The following ZNF730 variants were observed in gnomAD, a reference collection of about 807,000 sequenced individuals.
The protein encoded by ZNF730 is zinc finger protein 730, also known as putative zinc finger protein 730.
ZNF730 carries 12 observed loss-of-function variants against 12.6 expected under a neutral mutation model. That is an observed-to-expected ratio of 0.95 (90% CI 0.61 to 1.54). ZNF730 has a LOEUF of 1.54. ZNF730 is among the 40% of genes most tolerant of loss of function. The pLI is 0.00. For synonymous variants in ZNF730, 194 were observed against 195.8 expected, an observed-to-expected ratio of 0.99 and a Z score of 0.08; for missense variants, 643 against 583.5, an observed-to-expected ratio of 1.10 and a Z score of -1.05.
At chr19:23,127,442 G>C in intron 1 of ZNF730, 4 of 1,088,106 alleles carry the variant, frequency 3.7e-6, no homozygotes, top group Non-Finnish European at 5.5e-6. Context: ...TTCTTCCTTT[G>C]TCATTGACCC....
chr19:23,090,346 G>A lies in ZNF730; in HGVS notation c.-94+14959G>A, dbSNP rs573741321. Among the ~76,000 whole-genome samples, 14 of 152,244 alleles carry A rather than the reference G, an allele frequency of 9.2e-5. No homozygotes were observed. The East Asian group carries it at 2.7e-3, about 29-fold the overall frequency. Reference sequence around the variant, plus strand: ...CTTATGTTTTAGCAAAGTGACTGGTGGCATTTTGCCCTGCCCTAGAGATTT... The same window carrying A: ...CTTATGTTTTAGCAAAGTGACTGGTAGCATTTTGCCCTGCCCTAGAGATTT... On this transcript the variant is annotated intron_variant, in intron 1 of 2. Coordinates refer to the ZNF730 transcript ENST00000593635.
chr19:23,085,134 T>A (rs933698528), intron 1 of ZNF730, among the ~76,000 whole-genome samples: 1 of 152,186 alleles, frequency 6.6e-6, no homozygotes. Flanking sequence ...GTTATTATTT[T>A]GCTTTTTTAA....
rs1386142858 is a variant in ZNF730, at chr19:23,145,890, A to G, written c.846A>G (p.Lys282=). ...TTHKRIHTGE[K]PYKCEECGKA... ...ATAAAAGAATTCATACTGGAGAGAA[A>G]CCCTATAAATGTGAAGAATGTGGCA... Residue 282 remains lysine, a synonymous_variant, in exon 4 of 4, where the codon AAA becomes AAG. Coordinates refer to ENST00000597761, the MANE Select transcript of ZNF730 (RefSeq NM_001277403.2). The G allele has an allele frequency of 6.2e-7, 1 of 1,610,580 alleles. No homozygotes were observed. The highest frequency in any genetic ancestry group is 2.2e-5 in the East Asian group (1 of 44,838).
intron 3 of ZNF730, among the ~76,000 whole-genome samples, chr19:23,140,987 T>C (rs1220976167): frequency 2.0e-5 from 3 of 151,972 alleles, no homozygotes; most frequent in Admixed American, 6.6e-5. Flanking sequence ...TGGCCAGTCA[T>C]GGTGGTGTTT....
chr19:23,141,094 C>G (rs1970910475), intron 3 of ZNF730, among the ~76,000 whole-genome samples: 1 of 151,928 alleles, frequency 6.6e-6, no homozygotes, highest in South Asian at 2.1e-4. Flanking sequence ...GAGACCCCAT[C>G]TTTCCAAAAA....
chr19:23,109,949 C>A (rs528939249), intron 1 of ZNF730, among the ~76,000 whole-genome samples: 11 of 149,702 alleles, frequency 7.3e-5, no homozygotes, highest in African/African-American at 2.4e-4. Flanking sequence ...TAATCGATTT[C>A]TTTTATTTGT....
upstream of ZNF730, among the ~76,000 whole-genome samples, chr19:23,112,175 C>G (rs753593643): frequency 6.6e-6 from 1 of 152,008 alleles, no homozygotes; most frequent in Non-Finnish European, 1.5e-5. Flanking sequence ...AATTGTAAAC[C>G]CATAGGAGAT....
At chr19:23,112,355 A>C (rs1332549671), upstream of ZNF730, among the ~76,000 whole-genome samples, 2 of 152,178 alleles carry the variant, frequency 1.3e-5, no homozygotes. Flanking sequence ...TTTTGTGTGC[A>C]CTCATTGGGT....
intron 1 of ZNF730, among the ~76,000 whole-genome samples, chr19:23,082,160 G>A (rs1027594800): frequency 3.3e-5 from 5 of 152,108 alleles, no homozygotes; most frequent in African/African-American, 1.2e-4. Flanking sequence ...TATTTGTTAA[G>A]TAACCTCTTC....
intron 1 of ZNF730, among the ~76,000 whole-genome samples, chr19:23,121,898 T>C (rs926190715): frequency 3.9e-5 from 6 of 152,152 alleles, no homozygotes; most frequent in African/African-American, 1.4e-4. Flanking sequence ...ATTTTGTTCA[T>C]CTCTCTTTTT....
chr19:23,116,716 C>G (rs1036775642), upstream of ZNF730, among the ~76,000 whole-genome samples: 1 of 152,024 alleles, frequency 6.6e-6, no homozygotes, highest in African/African-American at 2.4e-5. Context: ...CCACCGCGCC[C>G]GGTCTATGTT....
At chr19:23,123,987 A>G (rs1970631331) in intron 1 of ZNF730, 1 of 152,008 alleles carries the variant, frequency 6.6e-6, no homozygotes, top group Non-Finnish European at 1.5e-5. Flanking sequence ...ATAAATAGAA[A>G]CTGAGGGTGA....
intron 1 of ZNF730, among the ~76,000 whole-genome samples, chr19:23,101,605 A>G (rs975658470): frequency 1.3e-5 from 2 of 152,180 alleles, no homozygotes; most frequent in African/African-American, 2.4e-5. Context: ...ATTGTGACAT[A>G]TCGCTTGACT....
intron 3 of ZNF730, among the ~76,000 whole-genome samples, chr19:23,141,778 G>GA (rs1970924643): frequency 1.3e-5 from 2 of 152,026 alleles, no homozygotes; most frequent in African/African-American, 4.8e-5. Flanking sequence ...GTCTATGAAG[G>GA]AAAATGTTCT....
At chr19:23,133,341 T>TG (rs1172979896) in intron 1 of ZNF730, among the ~76,000 whole-genome samples, 11 of 152,060 alleles carry the variant, frequency 7.2e-5, no homozygotes, top group East Asian at 1.9e-4. Flanking sequence ...TTTTTGTTTT[T>TG]TTTTTGTTTT....
chr19:23,088,965 C>T (rs537157676), intron 1 of ZNF730, among the ~76,000 whole-genome samples: 19 of 149,492 alleles, frequency 1.3e-4, no homozygotes, highest in Admixed American at 6.0e-4. Flanking sequence ...CTCCACCTCC[C>T]GGGTTCAAGT....
intron 1 of ZNF730, chr19:23,095,257 C>T (rs1394129535): frequency 5.0e-6 from 2 of 396,910 alleles, no homozygotes; most frequent in Admixed American, 4.4e-5. Flanking sequence ...CTTGGTTCTT[C>T]CACAGGGGAC....
At chr19:23,096,461 C>T (rs537128469) in intron 1 of ZNF730, among the ~76,000 whole-genome samples, 1 of 152,268 alleles carries the variant, frequency 6.6e-6, no homozygotes, top group East Asian at 1.9e-4. Flanking sequence ...GTGTGACACT[C>T]CTCTTCTGCC....
chr19:23,135,627 C>T (rs999529776), intron 2 of ZNF730, among the ~76,000 whole-genome samples: 3 of 152,116 alleles, frequency 2.0e-5, no homozygotes, highest in African/African-American at 7.2e-5. Flanking sequence ...TCTCCTGCCT[C>T]GGCCTCTTGA....
Sources: allele counts gnomAD v4.1 joint callset (sites outside exome capture counted in the v4.1 genomes callset), GRCh38; gene constraint gnomAD v4.1.1; transcripts MANE v1.5; gene names NCBI Gene and HGNC (gene_info 2026-07-23, HGNC 2026-07-21).